The following MSRA variants were observed in gnomAD, a reference collection of about 807,000 sequenced individuals.
The protein encoded by MSRA is mitochondrial peptide methionine sulfoxide reductase.
In MSRA, 54 loss-of-function variants were observed where a neutral mutation model predicts 31.3. The ratio of observed to expected loss-of-function variants is 1.73; its 90% CI spans 1.39 to 2.17. The LOEUF (loss-of-function observed/expected upper bound fraction) is 2.17, where lower values mean the gene tolerates loss of function less well. Ranked by LOEUF, MSRA falls within the 30% of genes most tolerant of loss-of-function variation. The pLI is 0.00. For missense variants in MSRA, 507 were observed against 300.9 expected, an observed-to-expected ratio of 1.69 and a Z score of -5.07; for synonymous variants, 169 against 116.5, an observed-to-expected ratio of 1.45 and a Z score of -2.90.
At chr8:10,427,056 C>T (rs1427022119) in intron 5 of MSRA, among the ~76,000 whole-genome samples, 1 of 152,122 alleles carries the variant, frequency 6.6e-6, no homozygotes, top group African/African-American at 2.4e-5. Flanking sequence ...CGCAGTGAAT[C>T]ATGCTGAATA....
intron 1 of MSRA, among the ~76,000 whole-genome samples, chr8:10,181,799 A>T (rs1415510072): frequency 6.6e-6 from 1 of 152,218 alleles, no homozygotes; most frequent in Non-Finnish European, 1.5e-5. Context: ...ACATAGAGGT[A>T]GTCTCACCAA....
chr8:10,241,869 A>T (rs1797340732), intron 2 of MSRA, among the ~76,000 whole-genome samples: 2 of 152,202 alleles, frequency 1.3e-5, no homozygotes, highest in African/African-American at 4.8e-5. Context: ...GCACCATGAG[A>T]ACACAGTCCT....
At chr8:10,327,856 C>G (rs1802453010) in intron 5 of MSRA, among the ~76,000 whole-genome samples, 2 of 151,992 alleles carry the variant, frequency 1.3e-5, no homozygotes, top group Admixed American at 6.6e-5. Context: ...TGGCGTGAAC[C>G]TGGGAGGCGG....
intron 1 of MSRA, among the ~76,000 whole-genome samples, chr8:10,179,691 A>T (rs1806369160): frequency 6.6e-6 from 1 of 152,172 alleles, no homozygotes; most frequent in South Asian, 2.1e-4. Context: ...ACCTGGGTTT[A>T]TGTTCCAGTT....
chr8:10,265,924 G>A (rs956934259), intron 3 of MSRA, among the ~76,000 whole-genome samples: 4 of 152,158 alleles, frequency 2.6e-5, no homozygotes, highest in Non-Finnish European at 4.4e-5. Context: ...CCATGTTCTC[G>A]GATCAGCAGT....
At chr8:10,420,440 C>A (rs1270171660) in intron 5 of MSRA, among the ~76,000 whole-genome samples, 3 of 151,976 alleles carry the variant, frequency 2.0e-5, no homozygotes, top group East Asian at 1.9e-4. Flanking sequence ...AACAAACTAC[C>A]CCAAAACTTA....
intron 2 of MSRA, among the ~76,000 whole-genome samples, chr8:10,222,289 G>T (rs1810585290): frequency 6.6e-6 from 1 of 152,062 alleles, no homozygotes; most frequent in African/African-American, 2.4e-5. Flanking sequence ...AGTTTTGTAA[G>T]GTTTTCTATC....
chr8:10,168,229 A>C (rs1329346552), intron 1 of MSRA, among the ~76,000 whole-genome samples: 1 of 152,244 alleles, frequency 6.6e-6, no homozygotes, highest in Admixed American at 6.5e-5. Flanking sequence ...TCAGGCACAT[A>C]CATGTTAACT....
chr8:10,120,616 C>T (rs535293964), intron 1 of MSRA, among the ~76,000 whole-genome samples: 44 of 152,340 alleles, frequency 2.9e-4, no homozygotes, highest in Admixed American at 1.6e-3. Flanking sequence ...TGGAACTATG[C>T]TGGATGTGCT....
chr8:10,140,237 T>G (rs915132382), intron 1 of MSRA, among the ~76,000 whole-genome samples: 1 of 152,166 alleles, frequency 6.6e-6, no homozygotes, highest in Non-Finnish European at 1.5e-5. Context: ...ATAGATGTGG[T>G]TGTTCCTTCC....
intron 5 of MSRA, among the ~76,000 whole-genome samples, chr8:10,387,047 G>A (rs1806438830): frequency 6.6e-6 from 1 of 152,100 alleles, no homozygotes; most frequent in Non-Finnish European, 1.5e-5. Flanking sequence ...CCAGGGTGGG[G>A]CCTGAGCTTC....
chr8:10,217,272 C>A (rs1292328359), intron 2 of MSRA, among the ~76,000 whole-genome samples: 1 of 152,238 alleles, frequency 6.6e-6, no homozygotes, highest in South Asian at 2.1e-4. Flanking sequence ...CTGATGGCAC[C>A]CTAGGAGTGA....
At chr8:10,368,524 C>G (rs184597251) in intron 5 of MSRA, among the ~76,000 whole-genome samples, 1 of 152,246 alleles carries the variant, frequency 6.6e-6, no homozygotes, top group East Asian at 1.9e-4. Flanking sequence ...CGGGAGGCGA[C>G]TCATGGCCAA....
chr8:10,411,145 C>T (rs867866107), intron 5 of MSRA: 7 of 152,134 alleles, frequency 4.6e-5, no homozygotes, highest in East Asian at 1.9e-4. Flanking sequence ...TTAGAAGAAC[C>T]GAAGAGGCCA....
chr8:10,128,111 C>T (rs1801632318), intron 1 of MSRA, among the ~76,000 whole-genome samples: 1 of 152,136 alleles, frequency 6.6e-6, no homozygotes, highest in East Asian at 1.9e-4. Flanking sequence ...GGTGCGATGG[C>T]TCACACCTGT....
intron 1 of MSRA, among the ~76,000 whole-genome samples, chr8:10,206,124 G>C (rs993035313): frequency 6.6e-6 from 1 of 152,122 alleles, no homozygotes; most frequent in Non-Finnish European, 1.5e-5. Flanking sequence ...TTGTGATATG[G>C]GTCAAGGCAA....
At chr8:10,115,867 A>C (rs375172928) in intron 1 of MSRA, among the ~76,000 whole-genome samples, 2 of 152,378 alleles carry the variant, frequency 1.3e-5, no homozygotes, top group South Asian at 2.1e-4. Flanking sequence ...AATAGAAAAC[A>C]CACAAAAATG....
chr8:10,250,661 C>A lies in MSRA; in HGVS notation c.331+5438C>A, dbSNP rs773705954. The A allele has an allele frequency of 1.5e-5, 9 of 590,410 alleles. 2 individuals carry two copies. In the South Asian group the frequency reaches 1.9e-4, roughly 12 times the overall value. The allele number at this position is 590,410 out of a possible 1,614,324, so 36.6% of individuals were successfully genotyped here. ...AGCAGGAGCCCAGGTGTGGGAAGAG[C>A]GGAGTGTGGGAGTCCTCGTGTGACC... is the stretch of plus-strand genomic sequence containing the variant. On this transcript the variant is annotated intron_variant, in intron 3 of 5. Transcript: ENST00000317173.
At position 10,301,530 on chromosome 8, in the gene MSRA, C is replaced by T. The variant is rs1800844110; in HGVS notation, c.332-4C>T. The stretch of plus-strand genomic sequence containing the variant: ...TTTCGGTTGTACGTTTTGTTTTTTC[C>T]AAGAAAAAACTGGCCATGCAGAAGT... On this transcript the variant is annotated splice_polypyrimidine_tract_variant and splice_region_variant and intron_variant, in intron 3 of 5. Transcript: ENST00000317173. The T allele has an allele frequency of 1.2e-6, 2 of 1,603,664 alleles. No homozygotes were observed. The highest frequency in any genetic ancestry group is 1.7e-6 in the Non-Finnish European group (2 of 1,176,778).
Sources: allele counts gnomAD v4.1 joint callset (sites outside exome capture counted in the v4.1 genomes callset), GRCh38; gene constraint gnomAD v4.1.1; transcripts MANE v1.5; gene names NCBI Gene and HGNC (gene_info 2026-07-23, HGNC 2026-07-21).